ETF1: variants seen among roughly 807,000 people sequenced by gnomAD.
ETF1 encodes the protein eukaryotic peptide chain release factor subunit 1.
A neutral mutation model predicts 55.1 loss-of-function variants in ETF1; 4 were observed. That is an observed-to-expected ratio of 0.07 (90% confidence interval 0.04 to 0.17). The LOEUF (loss-of-function observed/expected upper bound fraction) is 0.17, where lower values mean the gene tolerates loss of function less well. Among genes scored for constraint, ETF1 ranks in the 10% least tolerant of loss-of-function variants. The pLI, the probability that ETF1 is intolerant of heterozygous loss-of-function variation, is 1.00. For synonymous variants in ETF1, 157 were observed against 182.3 expected (o/e 0.86, Z 1.12); for missense variants, 142 against 523.6 (o/e 0.27, Z 7.11).
At chr5:138,521,034 A>G (rs894701797) in intron 2 of ETF1, among the ~76,000 whole-genome samples, 1 of 152,174 alleles carries the variant, frequency 6.6e-6, no homozygotes, top group Non-Finnish European at 1.5e-5. Flanking sequence ...TTACACACCA[A>G]TGTTCATAGC....
At chr5:138,510,357 CAAAAAAAAAAAAAAAAA>C (rs57906231) in intron 9 of ETF1, among the ~76,000 whole-genome samples, 191 bp downstream of exon 9, 1 of 64,782 alleles carries the variant, frequency 1.5e-5, no homozygotes, top group East Asian at 4.4e-4. Context: ...GACCTTGTCT[CAAAAAAAAAAAAAAAAA>C]AAAAAAAAAA....
At chr5:138,530,737 C>T (rs1012034663) in intron 2 of ETF1, among the ~76,000 whole-genome samples, 3 of 150,824 alleles carry the variant, frequency 2.0e-5, no homozygotes, top group Admixed American at 2.0e-4. Flanking sequence ...CAATGCCTGG[C>T]TATTTTTAGT....
intron 2 of ETF1, among the ~76,000 whole-genome samples, chr5:138,531,368 T>C (rs1271754306): frequency 6.6e-6 from 1 of 152,134 alleles, no homozygotes; most frequent in African/African-American, 2.4e-5. Flanking sequence ...AGAACACCAA[T>C]CTGTGGTATT....
chr5:138,516,886 C>T (rs1317707365), intron 4 of ETF1, among the ~76,000 whole-genome samples: 1 of 152,062 alleles, frequency 6.6e-6, no homozygotes, highest in Non-Finnish European at 1.5e-5. Flanking sequence ...CAGTGCAAAC[C>T]ACTCAAATGT....
intron 2 of ETF1, among the ~76,000 whole-genome samples, chr5:138,531,641 T>C (rs899495765): frequency 6.6e-6 from 1 of 152,206 alleles, no homozygotes; most frequent in Non-Finnish European, 1.5e-5. Flanking sequence ...CCCAAGAAGC[T>C]TTCATCCCAG....
At position 138,517,675 on chromosome 5, in the gene ETF1, G is replaced by A. The variant is rs754430885; in HGVS notation, c.288C>T (p.Tyr96=). 4.8e-5 allele frequency: 75 copies of A among 1,554,526 alleles called. No individual in the cohort carries two copies. The highest frequency in any genetic ancestry group is 6.0e-5 in the Non-Finnish European group (69 of 1,140,936). The change falls in exon 4 of 11, where the codon TAC becomes TAT. Residue 96 remains tyrosine, a synonymous_variant. Coordinates refer to ENST00000360541, the MANE Select transcript of ETF1 (RefSeq NM_004730.4). ...CTTCTTCTGTTACAATTGTTCCACA[G>A]TATACAACCAGACCATTTGGAGGTA... ...NKVPPNGLVV[Y]CGTIVTEEGK...
intron 2 of ETF1, among the ~76,000 whole-genome samples, chr5:138,539,112 T>C (rs1437801891): frequency 6.6e-6 from 1 of 152,190 alleles, no homozygotes; most frequent in Non-Finnish European, 1.5e-5. Flanking sequence ...AAGTGTTCAT[T>C]GGATAAGAAA....
In ETF1 at chr5:138,511,173, T is replaced by C; in HGVS notation, c.890A>G (p.Asp297Gly). The change falls in exon 8 of 11, where the codon GAC (aspartate) becomes GGC (glycine). Residue 297 changes from aspartate to glycine, a missense_variant. Asp to Gly is a moderately conservative substitution (Grantham distance 94). Around this residue, in one of 5 missense-constraint regions of ETF1, gnomAD observed 82 missense variants for 232.9 expected, o/e 0.35. Transcript: ENST00000360541. ...AACGCCAAAACAGTACTTGCCCGTG[T>C]CCTGGCTGATTTCATCAAAGTATCG... is the stretch of plus-strand genomic sequence containing the variant. Reference protein sequence around the residue: ...IGRYFDEISQDTGKYCFGVED... With the variant: ...IGRYFDEISQGTGKYCFGVED... 1 of 1,614,140 alleles carries C rather than the reference T, an allele frequency of 6.2e-7. No homozygotes were observed. Among genetic ancestry groups the C allele is most frequent in the Non-Finnish European group, 8.5e-7 (1 of 1,180,002 alleles).
At chr5:138,518,583 A>T (rs1050203919) in intron 3 of ETF1, 109 bp downstream of exon 3, 4 of 934,704 alleles carry the variant, frequency 4.3e-6, no homozygotes, top group Non-Finnish European at 6.5e-6. Context: ...AGAGACACTG[A>T]TGACAGCCGA....
At chr5:138,535,874 CAAAAAA>C (rs35261297) in intron 2 of ETF1, among the ~76,000 whole-genome samples, 1 of 57,836 alleles carries the variant, frequency 1.7e-5, no homozygotes, top group Non-Finnish European at 2.8e-5. Flanking sequence ...GACTCCGCCT[CAAAAAA>C]AAAAAAAAAA....
intron 4 of ETF1, among the ~76,000 whole-genome samples, chr5:138,516,479 A>C (rs528233927): frequency 5.9e-5 from 9 of 152,334 alleles, no homozygotes; most frequent in African/African-American, 2.2e-4. Flanking sequence ...TCTACTAAAA[A>C]AACACAAAAA....
At position 138,526,318 on chromosome 5, in the gene ETF1, CT is replaced by C. The variant is rs533246510; in HGVS notation, c.87-7452del. ...TGTGAGGGGAACGAAAATAAACCCCCTATATTAGCTTTTAACTACAGGTGTT... is the reference window on the plus strand; with the variant it reads ...TGTGAGGGGAACGAAAATAAACCCCCATATTAGCTTTTAACTACAGGTGTT... On this transcript the variant is annotated intron_variant, in intron 2 of 10. Coordinates refer to ENST00000360541, the MANE Select transcript of ETF1 (RefSeq NM_004730.4). Among the ~76,000 whole-genome samples, 33 of 152,226 alleles carry C rather than the reference CT, an allele frequency of 2.2e-4. No homozygotes were observed. In the South Asian group the frequency reaches 3.1e-3, roughly 14 times the overall value.
intron 4 of ETF1, among the ~76,000 whole-genome samples, chr5:138,515,124 T>G (rs1024482761): frequency 6.6e-6 from 1 of 152,164 alleles, no homozygotes; most frequent in African/African-American, 2.4e-5. Context: ...TGCTAGATAG[T>G]TGGCATTAAG....
intron 2 of ETF1, chr5:138,529,495 G>T: frequency 1.9e-6 from 1 of 527,350 alleles, no homozygotes; most frequent in Non-Finnish European, 2.4e-6. Context: ...GTGAATCATG[G>T]GGTACAGCAA....
chr5:138,510,253 G>C (rs994161834), intron 9 of ETF1, among the ~76,000 whole-genome samples: 3 of 148,470 alleles, frequency 2.0e-5, no homozygotes, highest in Non-Finnish European at 4.4e-5. Flanking sequence ...AGCTACCAGA[G>C]AGGCTGAGGC....
intron 2 of ETF1, among the ~76,000 whole-genome samples, chr5:138,522,106 T>C (rs139431692): frequency 1.2e-3 from 140 of 116,560 alleles, no homozygotes; most frequent in African/African-American, 3.6e-3. Flanking sequence ...TTGTTTTTTG[T>C]TTTTTTGGTT....
chr5:138,523,786 G>C (rs551318607), intron 2 of ETF1, among the ~76,000 whole-genome samples: 7 of 152,290 alleles, frequency 4.6e-5, no homozygotes, highest in East Asian at 1.9e-4. Context: ...AAGGGGAAAG[G>C]CTGGGCGAGG....
At chr5:138,526,138 A>G (rs564832377) in intron 2 of ETF1, among the ~76,000 whole-genome samples, 5 of 152,216 alleles carry the variant, frequency 3.3e-5, no homozygotes, top group African/African-American at 1.2e-4. Context: ...CTGAGAGTGC[A>G]TCATCTCACA....
chr5:138,520,156 G>C (rs1019406097), intron 2 of ETF1, among the ~76,000 whole-genome samples: 3 of 144,988 alleles, frequency 2.1e-5, no homozygotes, highest in African/African-American at 5.2e-5. Context: ...ACCAGAAGTT[G>C]GTTTTTTGAA....
Sources: allele counts gnomAD v4.1 joint callset (sites outside exome capture counted in the v4.1 genomes callset), GRCh38; gene constraint gnomAD v4.1.1; regional missense constraint gnomAD v4.1.1; transcripts MANE v1.5; gene names NCBI Gene and HGNC (gene_info 2026-07-23, HGNC 2026-07-21).